The following NEDD4L variants were observed in gnomAD, a reference collection of about 807,000 sequenced individuals.
The protein encoded by NEDD4L is NEDD4 like E3 ubiquitin protein ligase.
In NEDD4L, 54 loss-of-function variants were observed where a neutral mutation model predicts 148.9. The ratio of observed to expected loss-of-function variants is 0.36; its 90% CI spans 0.29 to 0.45. The LOEUF is 0.45. Ranked by LOEUF, NEDD4L falls within the 20% of genes least tolerant of loss-of-function variation. NEDD4L has a pLI of 1.00. For synonymous variants in NEDD4L, 433 were observed against 440.7 expected, an observed-to-expected ratio of 0.98 and a Z score of 0.22; for missense variants, 856 against 1,233.8, an observed-to-expected ratio of 0.69 and a Z score of 4.59.
intron 2 of NEDD4L, among the ~76,000 whole-genome samples, chr18:58,241,409 A>G (rs1472156310): frequency 6.6e-6 from 1 of 152,022 alleles, no homozygotes; most frequent in Non-Finnish European, 1.5e-5. Context: ...AATGTTCTGA[A>G]CCCCAGCTCC....
intron 1 of NEDD4L, among the ~76,000 whole-genome samples, chr18:58,074,706 G>A (rs1284873616): frequency 6.6e-6 from 1 of 152,110 alleles, no homozygotes; most frequent in Non-Finnish European, 1.5e-5. Flanking sequence ...TGATTACAAA[G>A]TAAGGAATGA....
chr18:58,131,167 A>G (rs1377341728), intron 1 of NEDD4L, among the ~76,000 whole-genome samples: 1 of 113,922 alleles, frequency 8.8e-6, no homozygotes, highest in African/African-American at 3.6e-5. Context: ...GAACTGTGGT[A>G]GTGTTGGCCT....
intron 1 of NEDD4L, among the ~76,000 whole-genome samples, chr18:58,128,805 G>A (rs759941624): frequency 2.0e-5 from 3 of 152,224 alleles, no homozygotes; most frequent in Non-Finnish European, 4.4e-5. Context: ...TGGATGTAGA[G>A]GGCAGTGGTG....
chr18:58,260,516 G>A lies in NEDD4L; in HGVS notation c.297+8462G>A, dbSNP rs950977062. On this transcript the variant is annotated intron_variant, in intron 5 of 30. Transcript: ENST00000400345. ...TTAATATGTATGGCTGTCCCATTGT[G>A]GAGGCATTATCTCACTTGACCCTCC... Among the ~76,000 whole-genome samples the A allele has an allele frequency of 1.4e-4, 22 of 152,186 alleles. 1 individual carries two copies. Among genetic ancestry groups the A allele is most frequent in the African/African-American group, 4.8e-4 (20 of 41,438 alleles).
intron 1 of NEDD4L, among the ~76,000 whole-genome samples, chr18:58,101,697 C>T (rs910247687): frequency 1.3e-5 from 2 of 152,062 alleles, no homozygotes; most frequent in African/African-American, 4.8e-5. Flanking sequence ...AAATGCTTTC[C>T]GTATTCTATG....
At chr18:58,197,492 T>A (rs1431111881) in intron 2 of NEDD4L, among the ~76,000 whole-genome samples, 1 of 152,204 alleles carries the variant, frequency 6.6e-6, no homozygotes, top group African/African-American at 2.4e-5. Flanking sequence ...CCCACACCTG[T>A]GTTTGGCAAC....
At chr18:58,077,908 A>G (rs2083253417) in intron 1 of NEDD4L, among the ~76,000 whole-genome samples, 1 of 152,074 alleles carries the variant, frequency 6.6e-6, no homozygotes, top group South Asian at 2.1e-4. Flanking sequence ...GCATCTAGTG[A>G]TGAGAGATCA....
intron 26 of NEDD4L, among the ~76,000 whole-genome samples, chr18:58,386,357 A>T (rs1456506100): frequency 6.6e-6 from 1 of 150,986 alleles, no homozygotes; most frequent in Admixed American, 6.6e-5. Flanking sequence ...AGCCATGGAC[A>T]TTTTTTTTTA....
chr18:58,147,740 T>A (rs1216534663), intron 1 of NEDD4L, among the ~76,000 whole-genome samples: 1 of 152,160 alleles, frequency 6.6e-6, no homozygotes, highest in Non-Finnish European at 1.5e-5. Flanking sequence ...TATTTTGAGG[T>A]TGATTCCTGT....
chr18:58,089,358 C>T (rs1332204846), intron 1 of NEDD4L, among the ~76,000 whole-genome samples: 1 of 152,106 alleles, frequency 6.6e-6, no homozygotes, highest in Non-Finnish European at 1.5e-5. Flanking sequence ...TGGTCTTGAA[C>T]TCCTGACCTC....
At chr18:58,375,682 G>A (rs980085267) in intron 24 of NEDD4L, among the ~76,000 whole-genome samples, 2 of 152,044 alleles carry the variant, frequency 1.3e-5, no homozygotes, top group African/African-American at 4.8e-5. Flanking sequence ...ATTGACTGAC[G>A]TGCTGTGTGC....
Position 58,329,073 on chromosome 18 carries a change from G to A in NEDD4L, c.759G>A (p.Arg253=). 1 of 1,614,032 alleles carries A rather than the reference G, an allele frequency of 6.2e-7. No homozygotes were observed. The highest frequency in any genetic ancestry group is 8.5e-7 in the Non-Finnish European group (1 of 1,179,890). Residue 253 remains arginine, a synonymous_variant, in exon 10 of 31, where the codon AGG becomes AGA. Transcript: ENST00000400345. ...CACACCGGCGCTTCCGCTCCCGCAG[G>A]CACATCAGCGAAGACTTGGAGCCCG... ...EAAHRRFRSR[R]HISEDLEPEP...
At chr18:58,046,366 C>G (rs1328692976) in intron 1 of NEDD4L, 7 of 138,652 alleles carry the variant, frequency 5.0e-5, no homozygotes, top group Non-Finnish European at 9.1e-5. Flanking sequence ...GAGACGCAGA[C>G]ATTCCTAAAC....
intron 5 of NEDD4L, among the ~76,000 whole-genome samples, chr18:58,312,498 A>C (rs528819178): frequency 6.6e-6 from 1 of 152,300 alleles, no homozygotes; most frequent in South Asian, 2.1e-4. Flanking sequence ...GATGGCCTCA[A>C]ACGTTGTCCC....
Position 58,123,117 on chromosome 18 carries a change from C to A in NEDD4L, c.49-42671C>A, listed in dbSNP as rs538963966. Among the ~76,000 whole-genome samples, 20 of 152,310 alleles carry A rather than the reference C, an allele frequency of 1.3e-4. No homozygotes were observed. In the South Asian group the frequency reaches 4.1e-3, roughly 32 times the overall value. On this transcript the variant is annotated intron_variant, in intron 1 of 30. Coordinates refer to ENST00000400345, the MANE Select transcript of NEDD4L (RefSeq NM_001144967.3). ...CATGGCAGCATCCTTACATCCTCCA[C>A]CACCTCTGAATGTTCCCGCACCTTC...
chr18:58,086,615 G>A (rs913235189), intron 1 of NEDD4L, among the ~76,000 whole-genome samples: 3 of 152,108 alleles, frequency 2.0e-5, no homozygotes, highest in Admixed American at 6.5e-5. Flanking sequence ...TAACATGCCC[G>A]ATACATTTTA....
chr18:58,243,379 C>T (rs536970), intron 2 of NEDD4L, among the ~76,000 whole-genome samples: 1 of 152,220 alleles, frequency 6.6e-6, no homozygotes, highest in Non-Finnish European at 1.5e-5. Flanking sequence ...AATTTAGTTT[C>T]TGTAGCTAGA....
At chr18:58,161,863 C>A (rs190498689) in intron 1 of NEDD4L, among the ~76,000 whole-genome samples, 1 of 152,080 alleles carries the variant, frequency 6.6e-6, no homozygotes, top group Non-Finnish European at 1.5e-5. Context: ...GAAGAGGCCT[C>A]ATACCTTTTG....
intron 24 of NEDD4L, among the ~76,000 whole-genome samples, chr18:58,376,921 A>G (rs1219268657): frequency 1.3e-5 from 2 of 152,038 alleles, no homozygotes; most frequent in African/African-American, 2.4e-5. Flanking sequence ...ATCTGTTGGG[A>G]GCATACTCCC....
Sources: allele counts gnomAD v4.1 joint callset (sites outside exome capture counted in the v4.1 genomes callset), GRCh38; gene constraint gnomAD v4.1.1; transcripts MANE v1.5; gene names NCBI Gene and HGNC (gene_info 2026-07-23, HGNC 2026-07-21).